The following UQCC1 variants were observed in gnomAD, a reference collection of about 807,000 sequenced individuals.
The protein encoded by UQCC1 is bFGF-repressed Zic-binding protein.
Under a neutral mutation model 48.0 loss-of-function variants are expected in UQCC1, and 38 were observed. That is an observed-to-expected ratio of 0.79 (90% CI 0.61 to 1.04). UQCC1 has a LOEUF of 1.04. Among genes scored for constraint, UQCC1 ranks in the 50% least tolerant of loss-of-function variants. The pLI, the probability that UQCC1 is intolerant of heterozygous loss-of-function variation, is 0.00. For synonymous variants in UQCC1, 111 were observed against 129.2 expected, an observed-to-expected ratio of 0.86 and a Z score of 0.95; for missense variants, 368 against 381.8, an observed-to-expected ratio of 0.96 and a Z score of 0.30.
At chr20:35,359,166 T>A (rs531393858) in intron 6 of UQCC1, among the ~76,000 whole-genome samples, 1 of 152,300 alleles carries the variant, frequency 6.6e-6, no homozygotes. Context: ...ATTACTACCA[T>A]TTACTATGTT....
intron 7 of UQCC1, chr20:35,346,932 A>T: frequency 2.8e-6 from 4 of 1,451,574 alleles, no homozygotes; most frequent in Non-Finnish European, 3.7e-6. Context: ...CCATCTCCAT[A>T]CAGGATGACT....
intron 1 of UQCC1, among the ~76,000 whole-genome samples, chr20:35,404,454 G>A (rs956995569): frequency 6.6e-6 from 1 of 151,782 alleles, no homozygotes; most frequent in African/African-American, 2.4e-5. Context: ...GCAGGAGAAT[G>A]GCGTGAACCC....
At chr20:35,337,258 G>A (rs2061325429) in intron 7 of UQCC1, among the ~76,000 whole-genome samples, 1 of 151,304 alleles carries the variant, frequency 6.6e-6, no homozygotes, top group South Asian at 2.1e-4. Flanking sequence ...GCACAGTCTA[G>A]GCTCACTGCA....
At chr20:35,321,288 G>A (rs542775241) in intron 7 of UQCC1, among the ~76,000 whole-genome samples, 99 of 150,290 alleles carry the variant, frequency 6.6e-4, no homozygotes, top group Non-Finnish European at 2.8e-4. Flanking sequence ...GTGTGTGCGC[G>A]CGCGCGCGCG....
intron 9 of UQCC1, 91 bp from the exon 10 acceptor site, chr20:35,304,160 A>G: frequency 1.3e-6 from 2 of 1,565,300 alleles, no homozygotes. Context: ...GAGGAGAGGA[A>G]GGAAGGGGAC....
At chr20:35,338,375 G>A (rs1470845913) in intron 7 of UQCC1, among the ~76,000 whole-genome samples, 2 of 152,110 alleles carry the variant, frequency 1.3e-5, no homozygotes, top group Non-Finnish European at 2.9e-5. Context: ...CTTTCAATTG[G>A]AAGGTACCAT....
chr20:35,328,200 G>C (rs1054529295), intron 7 of UQCC1, among the ~76,000 whole-genome samples: 1 of 152,106 alleles, frequency 6.6e-6, no homozygotes, highest in Non-Finnish European at 1.5e-5. Flanking sequence ...TTGGTGTTCT[G>C]TATTTAAGTC....
intron 7 of UQCC1, among the ~76,000 whole-genome samples, chr20:35,337,145 C>T (rs183277459): frequency 6.0e-4 from 92 of 152,090 alleles, no homozygotes; most frequent in African/African-American, 1.7e-3. Context: ...TGTTGGGTCC[C>T]ACCCCAGTTT....
chr20:35,353,656 G>A (rs2061515907), intron 6 of UQCC1, among the ~76,000 whole-genome samples: 1 of 152,010 alleles, frequency 6.6e-6, no homozygotes, highest in South Asian at 2.1e-4. Flanking sequence ...GCCAAATGTG[G>A]TGGTAAGCGT....
intron 7 of UQCC1, among the ~76,000 whole-genome samples, chr20:35,333,960 G>A (rs998593343): frequency 4.6e-5 from 7 of 152,162 alleles, no homozygotes; most frequent in African/African-American, 1.2e-4. Context: ...CCTGAAGGCC[G>A]GGGGCTGGGA....
intron 7 of UQCC1, among the ~76,000 whole-genome samples, chr20:35,338,601 C>A (rs989327470): frequency 1.3e-5 from 2 of 151,670 alleles, no homozygotes; most frequent in Non-Finnish European, 2.9e-5. Flanking sequence ...AATCCCAGCA[C>A]TTTGGGAGGC....
At chr20:35,404,090 A>T (rs2062210182) in intron 1 of UQCC1, among the ~76,000 whole-genome samples, 1 of 151,608 alleles carries the variant, frequency 6.6e-6, no homozygotes, top group Non-Finnish European at 1.5e-5. Context: ...ACAAAAAATT[A>T]GCCAGGCGTG....
At chr20:35,351,391 C>CAA (rs11478013) in intron 6 of UQCC1, among the ~76,000 whole-genome samples, 7 of 119,842 alleles carry the variant, frequency 5.8e-5, no homozygotes, top group African/African-American at 1.6e-4. Flanking sequence ...GACTCCATCT[C>CAA]AAAAAAAAAA....
chr20:35,410,755 TAA>T lies in UQCC1; in HGVS notation c.24+1183_24+1184del, dbSNP rs57478774. ...CCCTAAAGGGTGGCAGGGGAAGGAT[TAA>T]AAAAAAAAAAAAAAAAAAAACCACT... On this transcript the variant is annotated intron_variant, in intron 1 of 9. Coordinates refer to ENST00000374385, the MANE Select transcript of UQCC1 (RefSeq NM_018244.5). Among the ~76,000 whole-genome samples the T allele has an allele frequency of 1.4e-3, 56 of 40,512 alleles. 1 individual carries two copies. Among genetic ancestry groups the T allele is most frequent in the South Asian group, 4.1e-3 (5 of 1,234 alleles). 26.6% of individuals were successfully genotyped at this position (40,512 alleles called of 152,430 possible).
chr20:35,317,927 G>GCTGGA (rs3055624), intron 7 of UQCC1, among the ~76,000 whole-genome samples: 6 of 152,052 alleles, frequency 3.9e-5, no homozygotes, highest in African/African-American at 1.4e-4. Context: ...TCCAGAAAGG[G>GCTGGA]GTAAAGGGAA....
intron 7 of UQCC1, among the ~76,000 whole-genome samples, chr20:35,324,615 C>T (rs971740445): frequency 1.3e-5 from 2 of 152,170 alleles, no homozygotes; most frequent in South Asian, 2.1e-4. Context: ...CGTGAGCCAC[C>T]GCACCTGGCC....
At chr20:35,306,819 A>G in intron 8 of UQCC1, 40 bp from the exon 9 acceptor site, 1 of 1,501,692 alleles carries the variant, frequency 6.7e-7, no homozygotes, top group South Asian at 1.1e-5. Context: ...TGAGGGATCC[A>G]CAGAGCCAGG....
chr20:35,315,299 G>A (rs1029803534), intron 7 of UQCC1: 1 of 153,448 alleles, frequency 6.5e-6, no homozygotes, highest in African/African-American at 2.4e-5. Flanking sequence ...GACAGAGCAA[G>A]GTGTGCAAAG....
At chr20:35,360,289 T>G (rs889370433) in intron 6 of UQCC1, among the ~76,000 whole-genome samples, 2 of 152,158 alleles carry the variant, frequency 1.3e-5, no homozygotes, top group Non-Finnish European at 2.9e-5. Flanking sequence ...GAAGCCTGAA[T>G]GCCCTACAGC....
Sources: allele counts gnomAD v4.1 joint callset (sites outside exome capture counted in the v4.1 genomes callset), GRCh38; gene constraint gnomAD v4.1.1; transcripts MANE v1.5; gene names NCBI Gene and HGNC (gene_info 2026-07-23, HGNC 2026-07-21).